Variants in CCNT1 observed in about 807,000 individuals in gnomAD.
The protein encoded by CCNT1 is cyclin T1, also known as cyclin-T1.
In CCNT1, 18 loss-of-function variants were observed where a neutral mutation model predicts 67.3. The observed-to-expected ratio is 0.27, with a 90% CI of 0.18 to 0.40. The LOEUF is 0.40. CCNT1 is among the 10% of genes least tolerant of loss of function. The pLI, the probability that CCNT1 is intolerant of heterozygous loss-of-function variation, is 1.00. For missense variants in CCNT1, 744 were observed against 884.9 expected (o/e 0.84, Z 2.02); for synonymous variants, 333 against 310.3 (o/e 1.07, Z -0.77).
Position 48,691,606 on chromosome 12 carries a change from G to A in CCNT1, c.*1427C>T, listed in dbSNP as rs551573925. ...GATAATCAAGCCTCCATAACAACAGGACTCTTGACCTATTTTTATAAAGGA... is the reference window on the plus strand; with the variant it reads ...GATAATCAAGCCTCCATAACAACAGAACTCTTGACCTATTTTTATAAAGGA... On this transcript the variant is annotated 3_prime_UTR_variant, in exon 9 of 9. Coordinates refer to ENST00000261900, the MANE Select transcript of CCNT1 (RefSeq NM_001240.4). 1 of 152,228 alleles carries A rather than the reference G, an allele frequency of 6.6e-6. No homozygotes were observed. Among genetic ancestry groups the A allele is most frequent in the South Asian group, 2.1e-4 (1 of 4,812 alleles). The allele number at this position is 152,228 out of a possible 1,614,324, so 9.4% of individuals were successfully genotyped here.
chr12:48,701,117 A>G (rs1414360361), intron 3 of CCNT1, 44 bp from the exon 4 acceptor site: 2 of 1,151,290 alleles, frequency 1.7e-6, no homozygotes, highest in Non-Finnish European at 2.5e-6. Context: ...AAGGCACAAT[A>G]TATAAAGTAT....
In CCNT1 at chr12:48,689,093, G is replaced by A. The variant is rs1940031535; in HGVS notation, c.*3940C>T. On this transcript the variant is annotated 3_prime_UTR_variant, in exon 9 of 9. Transcript: ENST00000261900. ...CTGGCTTCAATTAGCATGCTGTCAA[G>A]CATCCCTCTCCATGCTTAACATGGC... The A allele has an allele frequency of 6.6e-6, 1 of 152,188 alleles. No homozygotes were observed. The highest frequency in any genetic ancestry group is 2.1e-4 in the South Asian group (1 of 4,830). 9.4% of individuals were successfully genotyped at this position (152,188 alleles called of 1,614,324 possible).
Position 48,690,002 on chromosome 12 carries a change from AG to A in CCNT1, c.*3030del, listed in dbSNP as rs1210720748. Reference sequence around the variant, plus strand: ...AATCATTTTTAAAAAGGAAGAAAAAAGAAGTTGAGGCTCTCTGATATGGACA... The same window carrying A: ...AATCATTTTTAAAAAGGAAGAAAAAAAAGTTGAGGCTCTCTGATATGGACA... On this transcript the variant is annotated 3_prime_UTR_variant, in exon 9 of 9. Transcript: ENST00000261900. 6.6e-6 allele frequency: 1 copy of A among 152,242 alleles called. No homozygotes were observed. Among genetic ancestry groups the A allele is most frequent in the Non-Finnish European group, 1.5e-5 (1 of 68,048 alleles). 9.4% of individuals were successfully genotyped at this position (152,242 alleles called of 1,614,324 possible). A position where few individuals can be genotyped will look rare whatever the true frequency, so the allele number is the denominator to read the frequency against.
At chr12:48,699,985 CATT>C in intron 4 of CCNT1, 145 bp from the exon 5 acceptor site, 1 of 575,138 alleles carries the variant, frequency 1.7e-6, no homozygotes, top group South Asian at 2.4e-5. Flanking sequence ...AGAAAAACAT[CATT>C]GTCCCATGAA....
At chr12:48,710,417 A>T (rs75721405) in intron 2 of CCNT1, among the ~76,000 whole-genome samples, 1 of 152,176 alleles carries the variant, frequency 6.6e-6, no homozygotes, top group East Asian at 1.9e-4. Flanking sequence ...CCTAAAATCA[A>T]TCCTCTAAAA....
intron 1 of CCNT1, 53 bp downstream of exon 1, chr12:48,716,462 C>A: frequency 1.3e-6 from 2 of 1,519,818 alleles, no homozygotes; most frequent in Non-Finnish European, 1.8e-6. Flanking sequence ...GACCCGGACG[C>A]CAGAGCATGG....
At chr12:48,714,606 A>C in intron 1 of CCNT1, 82 bp from the exon 2 acceptor site, 1 of 795,914 alleles carries the variant, frequency 1.3e-6, no homozygotes. Context: ...CAAAAGGATG[A>C]AATGGCCAAG....
chr12:48,708,145 C>A (rs781571475), intron 2 of CCNT1, among the ~76,000 whole-genome samples: 13 of 152,188 alleles, frequency 8.5e-5, no homozygotes, highest in Non-Finnish European at 1.8e-4. Flanking sequence ...GAGGCCAAAG[C>A]AGGAGAATCA....
intron 6 of CCNT1, among the ~76,000 whole-genome samples, chr12:48,697,712 G>A (rs900537497): frequency 4.1e-5 from 6 of 146,976 alleles, no homozygotes; most frequent in South Asian, 2.1e-4. Flanking sequence ...CTAGCTACTC[G>A]GGAGGCTGAG....
chr12:48,710,303 T>G (rs1438978256), intron 2 of CCNT1, among the ~76,000 whole-genome samples: 1 of 152,186 alleles, frequency 6.6e-6, no homozygotes, highest in Non-Finnish European at 1.5e-5. Flanking sequence ...ACATTTAATG[T>G]ATTAAGTCCT....
intron 4 of CCNT1, among the ~76,000 whole-genome samples, chr12:48,700,406 C>CA (rs1422503929): frequency 2.0e-5 from 3 of 148,566 alleles, no homozygotes; most frequent in Admixed American, 6.7e-5. Context: ...TATATATGTA[C>CA]AAAAAAAATT....
chr12:48,699,717 A>C lies in CCNT1; in HGVS notation c.496+61T>G, dbSNP rs142618237. On this transcript the variant is annotated intron_variant, in intron 5 of 8. Coordinates refer to ENST00000261900, the MANE Select transcript of CCNT1 (RefSeq NM_001240.4). ...GAACTATTATGTATTGTCCACCACAAACCACAACCTCTAAATGGGAAAACA... is the reference window on the plus strand; with the variant it reads ...GAACTATTATGTATTGTCCACCACACACCACAACCTCTAAATGGGAAAACA... 251 of 1,229,166 alleles carry C rather than the reference A, an allele frequency of 2.0e-4. No homozygotes were observed. In the African/African-American group the frequency reaches 3.3e-3, roughly 16 times the overall value. 76.1% of individuals were successfully genotyped at this position (1,229,166 alleles called of 1,614,324 possible).
intron 5 of CCNT1, among the ~76,000 whole-genome samples, chr12:48,699,551 GACAA>G (rs774131808): frequency 5.3e-5 from 8 of 152,094 alleles, no homozygotes; most frequent in Non-Finnish European, 1.0e-4. Flanking sequence ...GCCCAACTTT[GACAA>G]ACATTCTCAA....
Position 48,693,819 on chromosome 12 carries a change from T to G in CCNT1, c.1395A>C (p.Pro465=). The G allele has an allele frequency of 6.2e-7, 1 of 1,614,196 alleles. No individual in the cohort carries two copies. The highest frequency in any genetic ancestry group is 8.5e-7 in the Non-Finnish European group (1 of 1,180,032). ...ADKTALKMRI[P]VAGGDKAASS... is the part of the protein sequence containing the mutation. ...ACGCAGCTTTATCTCCACCTGCCAC[T>G]GGGATTCTCATTTTGAGAGCTGTTT... Residue 465 remains proline (P), a synonymous_variant, in exon 9 of 9, where the codon CCA becomes CCC. Transcript: ENST00000261900.
intron 3 of CCNT1, chr12:48,705,530 C>G (rs1940342680): frequency 9.1e-6 from 4 of 440,640 alleles, no homozygotes; most frequent in Admixed American, 4.3e-5. Flanking sequence ...ACCTTACCCT[C>G]CCAAAGTGCT....
chr12:48,698,184 C>CAA lies in CCNT1; in HGVS notation c.497-2_497-1insTT, dbSNP rs765654205. On this transcript the variant is annotated splice_acceptor_variant, in intron 5 of 8. Coordinates refer to ENST00000261900, the MANE Select transcript of CCNT1 (RefSeq NM_001240.4). LOFTEE classifies it high-confidence loss of function. Reference sequence around the variant, plus strand: ...GAAGTCTGTGCTAAGTCCTTGCTTGCTAAAGAAAAAAAAAAAAAGTCAGGG... The same window carrying CAA: ...GAAGTCTGTGCTAAGTCCTTGCTTGCAATAAAGAAAAAAAAAAAAAGTCAGGG... 8 of 700,646 alleles carry CAA rather than the reference C, an allele frequency of 1.1e-5. No homozygotes were observed. Among genetic ancestry groups the CAA allele is most frequent in the Admixed American group, 1.1e-4 (3 of 26,312 alleles). The allele number at this position is 700,646 out of a possible 1,614,324, so 43.4% of individuals were successfully genotyped here.
chr12:48,709,895 AT>A (rs202022157), intron 2 of CCNT1, among the ~76,000 whole-genome samples: 150 of 142,534 alleles, frequency 1.1e-3, no homozygotes, highest in Non-Finnish European at 1.2e-3. Flanking sequence ...GGGTTTCTTC[AT>A]TTTTTTTTTT....
chr12:48,695,884 C>T (rs376310640), intron 7 of CCNT1, 55 bp from the exon 8 acceptor site: 18 of 1,523,380 alleles, frequency 1.2e-5, no homozygotes, highest in Non-Finnish European at 1.5e-5. Flanking sequence ...AGTAATGAAA[C>T]AAGAATAACC....
At chr12:48,697,534 A>AAAAAAAAAAAAAAATATATATATATATAT (rs1288926072) in intron 6 of CCNT1, among the ~76,000 whole-genome samples, 1 of 130,710 alleles carries the variant, frequency 7.7e-6, no homozygotes, top group African/African-American at 3.0e-5. Flanking sequence ...AAAAAAAAAA[A>AAAAAAAAAAAAAAATATATATATATATAT]ATATATATAT....
Sources: gnomAD v4.1 joint callset for allele counts (sites outside exome capture counted in the v4.1 genomes callset) on GRCh38, gnomAD v4.1.1 for gene constraint, MANE v1.5 for transcripts, NCBI Gene and HGNC (gene_info 2026-07-23, HGNC 2026-07-21) for gene names.